NAV3: variants seen among roughly 807,000 people sequenced by gnomAD.
NAV3 encodes pore membrane and/or filament interacting like protein 1.
Under a neutral mutation model 244.7 loss-of-function variants are expected in NAV3, and 87 were observed. The ratio of observed to expected loss-of-function variants is 0.36; its 90% CI spans 0.30 to 0.42. The LOEUF (loss-of-function observed/expected upper bound fraction) is 0.42. Among genes scored for constraint, NAV3 ranks in the 20% least tolerant of loss-of-function variants. The pLI, the probability that NAV3 is intolerant of heterozygous loss-of-function variation, is 1.00. For missense variants in NAV3, 2,663 were observed against 2,893.3 expected (o/e 0.92, Z 1.83); for synonymous variants, 1,126 against 1,042.2 (o/e 1.08, Z -1.55).
chr12:78,171,661 T>C (rs945007147), intron 24 of NAV3, among the ~76,000 whole-genome samples: 1 of 151,570 alleles, frequency 6.6e-6, no homozygotes, highest in Non-Finnish European at 1.5e-5. Flanking sequence ...CCATTGACAT[T>C]ACATGGAAAA....
Position 77,691,271 on chromosome 12 carries a change from GAATT to G in NAV3, c.72+119009_72+119012del, listed in dbSNP as rs1337904899. On this transcript the variant is annotated intron_variant, in intron 2 of 8. Coordinates refer to the NAV3 transcript ENST00000550042. ...TTTTCTGATATCAAATTTTTATAATGAATTAATCTAGAAAAGTTGTGGTAGAGGA... is the reference window on the plus strand; with the variant it reads ...TTTTCTGATATCAAATTTTTATAATGAATCTAGAAAAGTTGTGGTAGAGGA... Among the ~76,000 whole-genome samples, 11 of 139,616 alleles carry G rather than the reference GAATT, an allele frequency of 7.9e-5. No homozygotes were observed. The East Asian group carries it at 1.9e-3, about 25-fold the overall frequency. 91.6% of individuals were successfully genotyped at this position (139,616 alleles called of 152,430 possible). A position where few individuals can be genotyped will look rare whatever the true frequency, so the allele number is the denominator to read the frequency against.
chr12:77,887,228 C>A (rs1883401486), intron 1 of NAV3, among the ~76,000 whole-genome samples: 1 of 152,070 alleles, frequency 6.6e-6, no homozygotes, highest in South Asian at 2.1e-4. Context: ...TTCTGCCCAC[C>A]ATTCCATATA....
At position 77,757,476 on chromosome 12, in the gene NAV3, G is replaced by C. The variant is rs190618661; in HGVS notation, c.73-182843G>C. Among the ~76,000 whole-genome samples the C allele has an allele frequency of 2.5e-3, 373 of 152,168 alleles. 2 individuals carry two copies. The highest frequency in any genetic ancestry group is 3.7e-3 in the Non-Finnish European group (251 of 68,000). ...CCTGTTCATTCCTTAAACATATATTGAGTATATATTACAGGTGCCACATAA... is the reference window on the plus strand; with the variant it reads ...CCTGTTCATTCCTTAAACATATATTCAGTATATATTACAGGTGCCACATAA... On this transcript the variant is annotated intron_variant, in intron 2 of 8. Coordinates refer to the NAV3 transcript ENST00000550042.
chr12:77,906,605 C>T (rs116458261), intron 1 of NAV3, among the ~76,000 whole-genome samples: 160 of 152,092 alleles, frequency 1.1e-3, no homozygotes, highest in African/African-American at 3.6e-3. Flanking sequence ...ATTAAAACTC[C>T]GACTGAGCCA....
At chr12:77,740,347 A>C (rs1868304927) in intron 2 of NAV3, among the ~76,000 whole-genome samples, 1 of 152,182 alleles carries the variant, frequency 6.6e-6, no homozygotes. Flanking sequence ...AGCCATCTAG[A>C]AAGTGATAAG....
chr12:78,053,884 T>A (rs1444877357), intron 11 of NAV3, among the ~76,000 whole-genome samples: 1 of 152,234 alleles, frequency 6.6e-6, no homozygotes, highest in Non-Finnish European at 1.5e-5. Context: ...ATATAAATTT[T>A]AGCAAGTAGG....
intron 12 of NAV3, among the ~76,000 whole-genome samples, chr12:78,105,683 ATC>A (rs1379547073): frequency 6.6e-6 from 1 of 152,046 alleles, no homozygotes; most frequent in South Asian, 2.1e-4. Flanking sequence ...TCTGCATTTT[ATC>A]TTTTTTCTTT....
chr12:78,098,875 T>C (rs1954393149), intron 12 of NAV3, among the ~76,000 whole-genome samples: 1 of 151,350 alleles, frequency 6.6e-6, no homozygotes, highest in African/African-American at 2.4e-5. Context: ...CTGAAAACTA[T>C]TAATATAATT....
intron 1 of NAV3, 109 bp downstream of exon 1, chr12:77,831,813 T>G (rs1873758509): frequency 8.2e-7 from 1 of 1,214,966 alleles, no homozygotes. Context: ...AATACCAGTG[T>G]AAGGATGTAA....
At chr12:77,885,675 T>A (rs1243840215) in intron 1 of NAV3, among the ~76,000 whole-genome samples, 1 of 152,160 alleles carries the variant, frequency 6.6e-6, no homozygotes, top group Admixed American at 6.6e-5. Flanking sequence ...TCTTAGTTTC[T>A]CTGTTGAGTA....
chr12:77,804,780 G>A (rs1164675107), intron 2 of NAV3, among the ~76,000 whole-genome samples: 4 of 152,038 alleles, frequency 2.6e-5, no homozygotes, highest in Admixed American at 6.6e-5. Flanking sequence ...CCATTTTCAC[G>A]ATATTGATTC....
intron 1 of NAV3, among the ~76,000 whole-genome samples, chr12:77,938,105 T>G (rs763890704): frequency 2.0e-5 from 3 of 152,148 alleles, no homozygotes; most frequent in Non-Finnish European, 4.4e-5. Context: ...TTTCAACCCA[T>G]GGCCCCAGTC....
At chr12:77,787,343 G>A (rs913152829) in intron 2 of NAV3, among the ~76,000 whole-genome samples, 3 of 152,114 alleles carry the variant, frequency 2.0e-5, no homozygotes, top group African/African-American at 7.2e-5. Context: ...AAATTGTGGG[G>A]TGTATTAGTC....
intron 29 of NAV3, 30 bp from the exon 30 acceptor site, chr12:78,180,841 T>C (rs2139730607): frequency 6.3e-7 from 1 of 1,578,740 alleles, no homozygotes; most frequent in Non-Finnish European, 8.6e-7. Flanking sequence ...ACCAACTCAG[T>C]TTTTTTCATG....
chr12:77,869,378 T>C (rs905742974), intron 1 of NAV3, among the ~76,000 whole-genome samples: 1 of 151,072 alleles, frequency 6.6e-6, no homozygotes, highest in African/African-American at 2.5e-5. Flanking sequence ...GTTATGGAAG[T>C]AATAATTTTT....
At chr12:77,993,068 C>T (rs922196409) in intron 5 of NAV3, among the ~76,000 whole-genome samples, 1 of 152,238 alleles carries the variant, frequency 6.6e-6, no homozygotes, top group African/African-American at 2.4e-5. Context: ...ACACATGGAC[C>T]ATAAAATGAA....
intron 2 of NAV3, among the ~76,000 whole-genome samples, chr12:77,818,674 T>G (rs1445181246): frequency 6.6e-6 from 1 of 152,062 alleles, no homozygotes; most frequent in Non-Finnish European, 1.5e-5. Context: ...GGTTAGTATC[T>G]GATGGTCTCC....
Position 77,925,564 on chromosome 12 carries a change from AATGCTATG to A in NAV3, c.244-14753_244-14746del, listed in dbSNP as rs1406563916. Among the ~76,000 whole-genome samples the A allele has an allele frequency of 2.0e-5, 3 of 152,092 alleles. No homozygotes were observed. In the East Asian group the frequency reaches 5.8e-4, roughly 29 times the overall value. On this transcript the variant is annotated intron_variant, in intron 1 of 39. Transcript: ENST00000397909. Reference sequence around the variant, plus strand: ...CGGGGGGAGGTTTAGGGTGGCTGTTAATGCTATGACTTCTAAGTCTCCATGCTCTCTTA... The same window carrying A: ...CGGGGGGAGGTTTAGGGTGGCTGTTAACTTCTAAGTCTCCATGCTCTCTTA...
At chr12:78,166,945 A>C (rs1293282827) in intron 23 of NAV3, among the ~76,000 whole-genome samples, 2 of 151,824 alleles carry the variant, frequency 1.3e-5, no homozygotes, top group East Asian at 3.9e-4. Flanking sequence ...AAGGATAAAA[A>C]CCTGATTTTA....
Sources: allele counts gnomAD v4.1 joint callset (sites outside exome capture counted in the v4.1 genomes callset), GRCh38; gene constraint gnomAD v4.1.1; transcripts MANE v1.5; gene names NCBI Gene and HGNC (gene_info 2026-07-23, HGNC 2026-07-21).